MRPL22: variants seen among roughly 807,000 people sequenced by gnomAD.
The protein encoded by MRPL22 is large ribosomal subunit protein uL22m.
In MRPL22, 27 loss-of-function variants were observed where a neutral mutation model predicts 32.4. The observed-to-expected ratio is 0.83, with a 90% CI of 0.61 to 1.15. MRPL22 has a LOEUF of 1.15. Ranked by LOEUF, MRPL22 falls within the 50% of genes most tolerant of loss-of-function variation. The pLI, the probability that MRPL22 is intolerant of heterozygous loss-of-function variation, is 0.00. For synonymous variants in MRPL22, 86 were observed against 87.3 expected, an observed-to-expected ratio of 0.99 and a Z score of 0.08; for missense variants, 239 against 260.2, an observed-to-expected ratio of 0.92 and a Z score of 0.56.
At chr5:154,945,228 G>A (rs1170128232) in intron 2 of MRPL22, among the ~76,000 whole-genome samples, 1 of 152,110 alleles carries the variant, frequency 6.6e-6, no homozygotes, top group Non-Finnish European at 1.5e-5. Flanking sequence ...GTAAGTGAAT[G>A]GTTGGATTCT....
intron 5 of MRPL22, 129 bp from the exon 6 acceptor site, chr5:154,959,851 G>A: frequency 3.1e-6 from 2 of 646,374 alleles, no homozygotes; most frequent in Non-Finnish European, 5.3e-6. Context: ...ATTTGATATT[G>A]TCTTTTTAAA....
chr5:154,945,713 G>C (rs1462898962), intron 2 of MRPL22, among the ~76,000 whole-genome samples: 1 of 152,212 alleles, frequency 6.6e-6, no homozygotes, highest in Non-Finnish European at 1.5e-5. Context: ...AACCCCAAGT[G>C]TCCTGGAACC....
chr5:154,944,154 C>T (rs1225996345), intron 2 of MRPL22, among the ~76,000 whole-genome samples: 2 of 152,188 alleles, frequency 1.3e-5, no homozygotes, highest in African/African-American at 2.4e-5. Flanking sequence ...GATGGGGTTT[C>T]ACCATGTTGG....
chr5:154,955,228 A>C (rs898924354), intron 3 of MRPL22: 1 of 152,198 alleles, frequency 6.6e-6, no homozygotes, highest in Non-Finnish European at 1.5e-5. Flanking sequence ...GGCTATTGCT[A>C]TAGTTTCAGG....
At chr5:154,960,085 C>G (rs533523558) in intron 6 of MRPL22, 36 bp downstream of exon 6, 3 of 1,421,742 alleles carry the variant, frequency 2.1e-6, no homozygotes, top group Non-Finnish European at 3.0e-6. Context: ...TAGAAAATGT[C>G]TTCAGTAGTA....
chr5:154,957,636 A>G (rs887012774), intron 5 of MRPL22, among the ~76,000 whole-genome samples: 1 of 152,012 alleles, frequency 6.6e-6, no homozygotes, highest in Non-Finnish European at 1.5e-5. Flanking sequence ...TTTTATAACT[A>G]AGTAATTTTG....
At chr5:154,966,057 C>T (rs1389616992) in intron 6 of MRPL22, among the ~76,000 whole-genome samples, 1 of 152,204 alleles carries the variant, frequency 6.6e-6, no homozygotes, top group Non-Finnish European at 1.5e-5. Context: ...AAATAAAAAA[C>T]TCCTTGCCTG....
chr5:154,947,109 T>C (rs1414524663), intron 2 of MRPL22, among the ~76,000 whole-genome samples: 1 of 152,230 alleles, frequency 6.6e-6, no homozygotes, highest in African/African-American at 2.4e-5. Context: ...TATTGAGCCC[T>C]TTTAAGTGTC....
At chr5:154,954,072 C>T (rs1764600962) in intron 3 of MRPL22, among the ~76,000 whole-genome samples, 1 of 151,842 alleles carries the variant, frequency 6.6e-6, no homozygotes, top group South Asian at 2.1e-4. Flanking sequence ...TCACTATAGC[C>T]TTGACCTCCT....
At chr5:154,943,587 T>A (rs1001977743) in intron 2 of MRPL22, among the ~76,000 whole-genome samples, 5 of 151,696 alleles carry the variant, frequency 3.3e-5, no homozygotes, top group African/African-American at 9.7e-5. Flanking sequence ...TATACACACA[T>A]ATATGCACAT....
intron 2 of MRPL22, among the ~76,000 whole-genome samples, chr5:154,944,363 G>T (rs937683633): frequency 3.3e-5 from 5 of 152,104 alleles, no homozygotes; most frequent in African/African-American, 1.2e-4. Flanking sequence ...CGAGTCTCTG[G>T]GATTACAGAC....
Position 154,957,153 on chromosome 5 carries a change from G to A in MRPL22, c.280G>A (p.Asp94Asn). The A allele has an allele frequency of 6.2e-7, 1 of 1,613,222 alleles. No homozygotes were observed. Among genetic ancestry groups the A allele is most frequent in the African/African-American group, 1.3e-5 (1 of 74,984 alleles). ...LAKLIRGMSI[D>N]QALAQLEFND... ...ATTCTAGATACGAGGAATGTCTATT[G>A]ACCAGGCTTTGGCTCAGTTGGAATT... Residue 94 changes from aspartate to asparagine, a missense_variant, in exon 5 of 7, where the codon GAC becomes AAC. Asp to Asn is a conservative substitution (Grantham distance 23). Transcript: ENST00000523037.
intron 5 of MRPL22, among the ~76,000 whole-genome samples, chr5:154,957,864 G>C: frequency 6.6e-6 from 1 of 151,122 alleles, no homozygotes; most frequent in East Asian, 1.9e-4. Flanking sequence ...GGTAATTGTG[G>C]TGACTCTTTC....
At chr5:154,960,173 A>T (rs1404997615) in intron 6 of MRPL22, 124 bp downstream of exon 6, 6 of 668,874 alleles carry the variant, frequency 9.0e-6, no homozygotes, top group Non-Finnish European at 1.5e-5. Flanking sequence ...AATTGCTAGT[A>T]ATGGCTTATT....
chr5:154,941,907 A>G (rs970715635), intron 2 of MRPL22, among the ~76,000 whole-genome samples: 23 of 152,182 alleles, frequency 1.5e-4, no homozygotes, highest in African/African-American at 5.3e-4. Context: ...TGATAATCTG[A>G]TTGTAAATTT....
At chr5:154,941,744 C>G (rs537235967) in intron 2 of MRPL22, among the ~76,000 whole-genome samples, 5 of 152,162 alleles carry the variant, frequency 3.3e-5, no homozygotes, top group Non-Finnish European at 7.3e-5. Context: ...AGTCCCCAAA[C>G]GTAAAATAAC....
chr5:154,946,533 CACGGGTGTGGTGGCTCACACCTG>C (rs1350093914), intron 2 of MRPL22, among the ~76,000 whole-genome samples: 3 of 151,980 alleles, frequency 2.0e-5, no homozygotes, highest in African/African-American at 7.2e-5. Context: ...AAAAAAGAAA[CACGGGTGTGGTGGCTCACACCTG>C]TAATCCTAGC....
At chr5:154,957,530 T>C (rs1764646350) in intron 5 of MRPL22, among the ~76,000 whole-genome samples, 1 of 152,206 alleles carries the variant, frequency 6.6e-6, no homozygotes, top group African/African-American at 2.4e-5. Context: ...TTTGTGTGTA[T>C]GTATGTGTGT....
chr5:154,952,945 A>G (rs1423961949), intron 3 of MRPL22, among the ~76,000 whole-genome samples: 1 of 152,224 alleles, frequency 6.6e-6, no homozygotes, highest in Non-Finnish European at 1.5e-5. Context: ...AATGTTACCA[A>G]TGTAGAGTTG....
Sources: allele counts gnomAD v4.1 joint callset (sites outside exome capture counted in the v4.1 genomes callset), GRCh38; gene constraint gnomAD v4.1.1; transcripts MANE v1.5; gene names NCBI Gene and HGNC (gene_info 2026-07-23, HGNC 2026-07-21).